The following ABTB1 variants were observed in gnomAD, a reference collection of about 807,000 sequenced individuals.
The protein encoded by ABTB1 is ankyrin repeat and BTB/POZ domain-containing protein 1.
In ABTB1, 45 loss-of-function variants were observed where a neutral mutation model predicts 57.1. The observed-to-expected ratio is 0.79, with a 90% CI of 0.62 to 1.01. The LOEUF (loss-of-function observed/expected upper bound fraction) is 1.01. Among genes scored for constraint, ABTB1 ranks in the 50% least tolerant of loss-of-function variants. The probability of loss-of-function intolerance (pLI) is 0.00; values close to 1 mark genes in which losing one functional copy is unlikely to be tolerated. For synonymous variants in ABTB1, 302 were observed against 275.4 expected, an observed-to-expected ratio of 1.10 and a Z score of -0.95; for missense variants, 630 against 666.3, an observed-to-expected ratio of 0.95 and a Z score of 0.60.
chr3:127,679,874 G>A (rs1176314510), intron 10 of ABTB1, 111 bp from the exon 11 acceptor site: 6 of 1,082,870 alleles, frequency 5.5e-6, no homozygotes, highest in Non-Finnish European at 8.2e-6. Flanking sequence ...ACTCCCACTG[G>A]AAGCCTTCCC....
chr3:127,676,588 C>A lies in ABTB1; in HGVS notation c.526+7C>A, dbSNP rs781633058. 2 of 1,613,522 alleles carry A rather than the reference C, an allele frequency of 1.2e-6. No individual in the cohort carries two copies. Among genetic ancestry groups the A allele is most frequent in the Non-Finnish European group, 1.7e-6 (2 of 1,179,964 alleles). On this transcript the variant is annotated splice_region_variant and intron_variant, in intron 6 of 11. Transcript: ENST00000232744. This position sits in a 1 kb window ranked among gnomAD's most constrained non-coding sequence, Gnocchi z 5.4. ...CTGCAGTACCTGTACACAGGTGACC[C>A]CCTGGGTCCAGGGTAGGAGGAGAGG... is the stretch of plus-strand genomic sequence containing the variant.
intron 8 of ABTB1, 67 bp downstream of exon 8, chr3:127,677,353 A>T: frequency 6.4e-7 from 1 of 1,560,676 alleles, no homozygotes; most frequent in South Asian, 1.1e-5. Context: ...CAGCCCAGAT[A>T]CTTGGGCTCA....
In ABTB1 at chr3:127,680,903, C is replaced by G. The variant is rs1229838102; in HGVS notation, c.*428C>G. ...TGGGGGAGTGTGTGTGGCAATAAAG[C>G]TTGAAGGCACCGTGGGAGCATGAGC... On this transcript the variant is annotated 3_prime_UTR_variant, in exon 12 of 12. Transcript: ENST00000232744. The G allele has an allele frequency of 1.9e-5, 10 of 523,624 alleles. No individual in the cohort carries two copies. The highest frequency in any genetic ancestry group is 3.0e-5 in the Non-Finnish European group (9 of 297,826). The allele number at this position is 523,624 out of a possible 1,614,324, so 32.4% of individuals were successfully genotyped here.
intron 10 of ABTB1, chr3:127,678,328 G>GCGCGTC (rs1455105180): frequency 6.1e-6 from 1 of 162,968 alleles, no homozygotes; most frequent in Non-Finnish European, 1.4e-5. Context: ...GCGTGCGCGT[G>GCGCGTC]CGCGCGCACT....
rs768402908 is a variant in ABTB1 at position 127,680,102 on chromosome 3, G to C, written c.1147G>C (p.Gly383Arg). 6.2e-7 allele frequency: 1 copy of C among 1,613,908 alleles called. No individual in the cohort carries two copies. ...AQMLDEDTVV[G>R]VWRVAKLFRL... ...GATGCTAGACGAGGACACTGTGGTG[G>C]GTGTGTGGCGCGTGGCCAAGCTCTT... Residue 383 changes from glycine to arginine, a missense_variant, in exon 11 of 12, where the codon GGT (glycine) becomes CGT (arginine). This residue lies in a region of ABTB1 where 579 missense variants were observed against 585.9 expected (regional missense o/e 0.99). Coordinates refer to ENST00000232744, the MANE Select transcript of ABTB1 (RefSeq NM_172027.3).
chr3:127,679,937 A>C (rs1559890681), intron 10 of ABTB1, 48 bp from the exon 11 acceptor site: 1 of 1,592,550 alleles, frequency 6.3e-7, no homozygotes, highest in Non-Finnish European at 8.6e-7. Flanking sequence ...GTGCCCTGGG[A>C]GCCCTTGGTG....
chr3:127,673,999 G>A (rs942343348), intron 1 of ABTB1: 1 of 278,630 alleles, frequency 3.6e-6, no homozygotes, highest in Non-Finnish European at 7.1e-6. Flanking sequence ...GAGGCCTGCA[G>A]CAGCTTTTTC....
rs2075010531 is a variant in ABTB1, at chr3:127,677,371, G to T, written c.762+85G>T. The T allele has an allele frequency of 8.3e-6, 13 of 1,565,682 alleles. No homozygotes were observed. The Admixed American group carries it at 2.2e-4, about 26-fold the overall frequency. On this transcript the variant is annotated intron_variant, in intron 8 of 11. Transcript: ENST00000232744. ...CCCAGATACTTGGGCTCAATTCCTT[G>T]TGTGGTCCTGGACCAGTTACTTCCC...
At chr3:127,679,303 A>T (rs1424872304) in intron 10 of ABTB1, 1 of 340,510 alleles carries the variant, frequency 2.9e-6, no homozygotes, top group Non-Finnish European at 5.9e-6. Flanking sequence ...TGGGTTACCC[A>T]GGTAAAGGAG....
At position 127,674,470 on chromosome 3, in the gene ABTB1, G is replaced by C; in HGVS notation, c.119+17G>C. 6.2e-7 allele frequency: 1 copy of C among 1,613,218 alleles called. No individual in the cohort carries two copies. The highest frequency in any genetic ancestry group is 8.5e-7 in the Non-Finnish European group (1 of 1,179,258). ...CACCCCCTTGTGAGTGCTGGAGAGA[G>C]GGGTGGGGAGGGTGGGGGTTGGTGC... On this transcript the variant is annotated intron_variant, in intron 2 of 11. Transcript: ENST00000232744.
chr3:127,679,988 TC>T lies in ABTB1; in HGVS notation c.1038del (p.Glu347ArgfsTer7). 1 of 1,613,248 alleles carries T rather than the reference TC, an allele frequency of 6.2e-7. No homozygotes were observed. The highest frequency in any genetic ancestry group is 8.5e-7 in the Non-Finnish European group (1 of 1,179,902). On this transcript the variant is annotated frameshift_variant, in exon 11 of 12. Transcript: ENST00000232744. LOFTEE classifies it high-confidence loss of function. ...TTCATCCCTGTCTTCACTGCAGCTGTCCCCCGAGGCAGCCTATGATGTGCTG... is the reference window on the plus strand; with the variant it reads ...TTCATCCCTGTCTTCACTGCAGCTGTCCCCGAGGCAGCCTATGATGTGCTG... Reference protein sequence around the residue: ...YYMYSDHTELSPEAAYDVLSV... With the variant: ...YYMYSDHTELXPEAAYDVLSV...
rs2074881952 is a variant in ABTB1 at position 127,673,020 on chromosome 3, C to A, written c.-6C>A. 1 of 1,565,834 alleles carries A rather than the reference C, an allele frequency of 6.4e-7. No homozygotes were observed. Among genetic ancestry groups the A allele is most frequent in the East Asian group, 2.4e-5 (1 of 40,956 alleles). Reference sequence around the variant, plus strand: ...GTCGTTCGGCTCGGGTACCATCCTCCGCGCCATGGACACCAGCGACCTGTT... The same window carrying A: ...GTCGTTCGGCTCGGGTACCATCCTCAGCGCCATGGACACCAGCGACCTGTT... On this transcript the variant is annotated 5_prime_UTR_variant, in exon 1 of 12. Coordinates refer to ENST00000232744, the MANE Select transcript of ABTB1 (RefSeq NM_172027.3).
chr3:127,677,740 A>G lies in ABTB1; in HGVS notation c.926A>G (p.Glu309Gly), dbSNP rs761815130. Reference sequence around the variant, plus strand: ...CTGGATGACCACTTCCGAGAGAGCGAGGAGCCAGCGACCTCAGGGGGCCCC... The same window carrying G: ...CTGGATGACCACTTCCGAGAGAGCGGGGAGCCAGCGACCTCAGGGGGCCCC... ...ALLDDHFRES[E>G]EPATSGGPPA... Residue 309 changes from glutamate (E) to glycine (G), a missense_variant, in exon 10 of 12, where the codon GAG becomes GGG. Around this residue, in one of 3 missense-constraint regions of ABTB1, gnomAD observed 579 missense variants for 585.9 expected, o/e 0.99. Transcript: ENST00000232744. The G allele has an allele frequency of 7.3e-5, 117 of 1,610,698 alleles. No homozygotes were observed. Among genetic ancestry groups the G allele is most frequent in the Non-Finnish European group, 8.4e-5 (99 of 1,178,722 alleles).
chr3:127,676,221 A>G lies in ABTB1; in HGVS notation c.321-51A>G. On this transcript the variant is annotated intron_variant, in intron 4 of 11. Coordinates refer to ENST00000232744, the MANE Select transcript of ABTB1 (RefSeq NM_172027.3). This position sits in a 1 kb window ranked among gnomAD's most constrained non-coding sequence, Gnocchi z 5.4. ...CACTGGGTTCTGAGTGCTCCGAGGAATGGGGTGGGGCTGTGCCAAGTATCC... is the reference window on the plus strand; with the variant it reads ...CACTGGGTTCTGAGTGCTCCGAGGAGTGGGGTGGGGCTGTGCCAAGTATCC... 6.2e-7 allele frequency: 1 copy of G among 1,604,634 alleles called. No homozygotes were observed. The highest frequency in any genetic ancestry group is 8.5e-7 in the Non-Finnish European group (1 of 1,173,214).
intron 3 of ABTB1, among the ~76,000 whole-genome samples, chr3:127,675,220 C>T (rs1187427018): frequency 2.6e-5 from 4 of 151,398 alleles, no homozygotes; most frequent in Admixed American, 6.6e-5. Context: ...CCTTTCATGA[C>T]TTCCCTTCAT....
chr3:127,674,470 G>GGGGTGGGGA lies in ABTB1; in HGVS notation c.119+26_119+34dup, dbSNP rs2074929591. ...CACCCCCTTGTGAGTGCTGGAGAGA[G>GGGGTGGGGA]GGGTGGGGAGGGTGGGGGTTGGTGC... On this transcript the variant is annotated intron_variant, in intron 2 of 11. Transcript: ENST00000232744. 1 of 1,613,218 alleles carries GGGGTGGGGA rather than the reference G, an allele frequency of 6.2e-7. No homozygotes were observed. The highest frequency in any genetic ancestry group is 8.5e-7 in the Non-Finnish European group (1 of 1,179,258).
chr3:127,673,097 T>C lies in ABTB1; in HGVS notation c.56+16T>C. 1 of 1,543,868 alleles carries C rather than the reference T, an allele frequency of 6.5e-7. No individual in the cohort carries two copies. The highest frequency in any genetic ancestry group is 8.7e-7 in the Non-Finnish European group (1 of 1,145,126). On this transcript the variant is annotated intron_variant, in intron 1 of 11. Transcript: ENST00000232744. ...GCCGAGTGCGGTGAGGACCTCGCAGTCCCGGGGAGGGTGCGGGAGGTGGCC... is the reference window on the plus strand; with the variant it reads ...GCCGAGTGCGGTGAGGACCTCGCAGCCCCGGGGAGGGTGCGGGAGGTGGCC...
At position 127,676,884 on chromosome 3, in the gene ABTB1, C is replaced by T. The variant is rs1308391205; in HGVS notation, c.527-83C>T. The T allele has an allele frequency of 8.7e-6, 12 of 1,382,782 alleles. No individual in the cohort carries two copies. The African/African-American group carries it at 1.1e-4, about 13-fold the overall frequency. 85.7% of individuals were successfully genotyped at this position (1,382,782 alleles called of 1,614,324 possible). A position where few individuals can be genotyped will look rare whatever the true frequency, so the allele number is the denominator to read the frequency against. On this transcript the variant is annotated intron_variant, in intron 6 of 11. Coordinates refer to ENST00000232744, the MANE Select transcript of ABTB1 (RefSeq NM_172027.3). The surrounding 1 kb of genome is among the most constrained non-coding windows in gnomAD (Gnocchi z 5.4). Reference sequence around the variant, plus strand: ...AGTCCTAGTCCTGCAGCCAGGTGGCCAGGTGGGAGGGGATCACCCTTTTTC... The same window carrying T: ...AGTCCTAGTCCTGCAGCCAGGTGGCTAGGTGGGAGGGGATCACCCTTTTTC...
Position 127,673,088 on chromosome 3 carries a change from A to G in ABTB1, c.56+7A>G. The stretch of plus-strand genomic sequence containing the variant: ...GGGATGTGGGCCGAGTGCGGTGAGG[A>G]CCTCGCAGTCCCGGGGAGGGTGCGG... On this transcript the variant is annotated splice_region_variant and intron_variant, in intron 1 of 11. Coordinates refer to ENST00000232744, the MANE Select transcript of ABTB1 (RefSeq NM_172027.3). 1 of 1,560,192 alleles carries G rather than the reference A, an allele frequency of 6.4e-7. No homozygotes were observed. The highest frequency in any genetic ancestry group is 1.2e-5 in the South Asian group (1 of 85,746).
Sources: gnomAD v4.1 joint callset for allele counts (sites outside exome capture counted in the v4.1 genomes callset) on GRCh38, gnomAD v4.1.1 for gene constraint, gnomAD v4.1.1 regional missense constraint, Gnocchi (gnomAD v3.1) non-coding constraint, MANE v1.5 for transcripts, NCBI Gene and HGNC (gene_info 2026-07-23, HGNC 2026-07-21) for gene names.